The following KCNQ5 variants were observed in gnomAD, a reference collection of about 807,000 sequenced individuals.
The protein encoded by KCNQ5 is potassium voltage-gated channel subfamily KQT member 5.
A neutral mutation model predicts 98.2 loss-of-function variants in KCNQ5; 30 were observed. That is an observed-to-expected ratio of 0.31 (90% CI 0.23 to 0.41). KCNQ5 has a LOEUF of 0.41. Among genes scored for constraint, KCNQ5 ranks in the 10% least tolerant of loss-of-function variants. The pLI is 1.00. For missense variants in KCNQ5, 835 were observed against 1,182.5 expected, an observed-to-expected ratio of 0.71 and a Z score of 4.31; for synonymous variants, 458 against 449.4, an observed-to-expected ratio of 1.02 and a Z score of -0.24.
At chr6:73,032,032 G>T (rs1289660013) in intron 2 of KCNQ5, among the ~76,000 whole-genome samples, 1 of 152,128 alleles carries the variant, frequency 6.6e-6, no homozygotes, top group South Asian at 2.1e-4. Context: ...CATGGAAGCC[G>T]TACTATCTCT....
At chr6:72,893,880 C>T (rs1351394916) in intron 1 of KCNQ5, among the ~76,000 whole-genome samples, 1 of 152,156 alleles carries the variant, frequency 6.6e-6, no homozygotes, top group East Asian at 1.9e-4. Context: ...GCTTAGCTTT[C>T]CCAGGTTATC....
At chr6:72,802,548 C>T (rs954229358) in intron 1 of KCNQ5, among the ~76,000 whole-genome samples, 2 of 152,104 alleles carry the variant, frequency 1.3e-5, no homozygotes, top group African/African-American at 2.4e-5. Flanking sequence ...AAAACCCAAC[C>T]TCATATCGTT....
chr6:72,790,069 G>A (rs1044527161), intron 1 of KCNQ5, among the ~76,000 whole-genome samples: 48 of 152,154 alleles, frequency 3.2e-4, no homozygotes, highest in African/African-American at 9.4e-4. Flanking sequence ...TTGACAAAAC[G>A]GGCATGTCTC....
At chr6:73,102,454 C>T (rs1774821939) in intron 5 of KCNQ5, among the ~76,000 whole-genome samples, 2 of 152,084 alleles carry the variant, frequency 1.3e-5, no homozygotes, top group Admixed American at 1.3e-4. Context: ...GAAGAGACAA[C>T]CCACAGAATG....
intron 1 of KCNQ5, among the ~76,000 whole-genome samples, chr6:72,647,262 GA>G (rs911051795): frequency 2.0e-5 from 3 of 151,936 alleles, no homozygotes; most frequent in Non-Finnish European, 2.9e-5. Context: ...GAAATGGGAT[GA>G]AAAAAATGGA....
chr6:72,809,421 A>G (rs1474644972), intron 1 of KCNQ5, among the ~76,000 whole-genome samples: 1 of 152,098 alleles, frequency 6.6e-6, no homozygotes. Flanking sequence ...GCGTGGTGGC[A>G]TGTGCCTGTA....
intron 3 of KCNQ5, among the ~76,000 whole-genome samples, chr6:73,044,915 G>A (rs1771894235): frequency 6.6e-6 from 1 of 152,118 alleles, no homozygotes; most frequent in African/African-American, 2.4e-5. Flanking sequence ...TTGAGCATTC[G>A]AGAAAAGAAC....
intron 2 of KCNQ5, among the ~76,000 whole-genome samples, chr6:73,025,831 C>G (rs1405309866): frequency 1.3e-5 from 2 of 152,146 alleles, no homozygotes; most frequent in Non-Finnish European, 2.9e-5. Context: ...CTTGTCCGTT[C>G]ATGGCCACGT....
intron 10 of KCNQ5, among the ~76,000 whole-genome samples, chr6:73,165,921 G>C (rs1777777040): frequency 1.3e-5 from 2 of 151,572 alleles, no homozygotes; most frequent in African/African-American, 4.9e-5. Context: ...CTTGAGCCTG[G>C]GTGACTCCGT....
chr6:72,875,639 C>T (rs1483925303), intron 1 of KCNQ5, among the ~76,000 whole-genome samples: 1 of 152,124 alleles, frequency 6.6e-6, no homozygotes, highest in Non-Finnish European at 1.5e-5. Context: ...ACTCAATCAT[C>T]ATCTTCCCAG....
intron 1 of KCNQ5, among the ~76,000 whole-genome samples, chr6:72,998,736 CAA>C (rs879644983): frequency 1.5e-5 from 2 of 132,924 alleles, no homozygotes; most frequent in Non-Finnish European, 3.3e-5. Context: ...GACTCCATCT[CAA>C]AAAAAAAAAA....
intron 1 of KCNQ5, among the ~76,000 whole-genome samples, chr6:72,902,610 G>A (rs984874718): frequency 6.6e-6 from 1 of 151,952 alleles, no homozygotes. Context: ...ATGTGATTTT[G>A]GTTTTTAATT....
chr6:72,874,708 G>A (rs1390406885), intron 1 of KCNQ5, among the ~76,000 whole-genome samples: 1 of 152,036 alleles, frequency 6.6e-6, no homozygotes, highest in Admixed American at 6.6e-5. Flanking sequence ...ATTCCTCACA[G>A]CACACAAGAA....
At chr6:72,869,520 G>C (rs1778121939) in intron 1 of KCNQ5, among the ~76,000 whole-genome samples, 1 of 152,040 alleles carries the variant, frequency 6.6e-6, no homozygotes, top group African/African-American at 2.4e-5. Context: ...ATTTACTTTG[G>C]TTAAATACAT....
chr6:72,986,828 G>A, intron 1 of KCNQ5: 1 of 1,157,862 alleles, frequency 8.6e-7, no homozygotes, highest in Non-Finnish European at 1.3e-6. Context: ...AACAAAGGGG[G>A]CCCAGGACCC....
intron 1 of KCNQ5, among the ~76,000 whole-genome samples, chr6:72,653,915 T>A (rs1766003164): frequency 6.6e-6 from 1 of 152,090 alleles, no homozygotes; most frequent in South Asian, 2.1e-4. Context: ...TTTACTCATC[T>A]GTAAAATATA....
chr6:72,880,327 G>T (rs1008529652), intron 1 of KCNQ5, among the ~76,000 whole-genome samples: 3 of 152,194 alleles, frequency 2.0e-5, no homozygotes, highest in African/African-American at 7.2e-5. Context: ...GCTCATAGAT[G>T]AAACCATCTA....
At chr6:72,652,609 A>C (rs1405100561) in intron 1 of KCNQ5, among the ~76,000 whole-genome samples, 1 of 151,888 alleles carries the variant, frequency 6.6e-6, no homozygotes, top group Admixed American at 6.6e-5. Context: ...GATCTGTAAG[A>C]CTTTTTCTGA....
chr6:73,100,818 C>A (rs1774743946), intron 5 of KCNQ5, among the ~76,000 whole-genome samples: 1 of 151,906 alleles, frequency 6.6e-6, no homozygotes, highest in Admixed American at 6.6e-5. Context: ...AAAACTGATA[C>A]TACAGAAATT....
Sources: allele counts gnomAD v4.1 joint callset (sites outside exome capture counted in the v4.1 genomes callset), GRCh38; gene constraint gnomAD v4.1.1; transcripts MANE v1.5; gene names NCBI Gene and HGNC (gene_info 2026-07-23, HGNC 2026-07-21).